Variants in CTNND2 observed in about 807,000 individuals in gnomAD.
The protein encoded by CTNND2 is catenin delta-2.
Under a neutral mutation model 144.4 loss-of-function variants are expected in CTNND2, and 22 were observed. The ratio of observed to expected loss-of-function variants is 0.15; its 90% CI spans 0.11 to 0.22. The LOEUF is 0.22. Ranked by LOEUF, CTNND2 falls within the 10% of genes least tolerant of loss-of-function variation. CTNND2 has a pLI of 1.00. For missense variants in CTNND2, 1,353 were observed against 1,618.8 expected (o/e 0.84, Z 2.82); for synonymous variants, 751 against 695.6 (o/e 1.08, Z -1.25).
intron 16 of CTNND2, among the ~76,000 whole-genome samples, chr5:11,071,731 C>T (rs766618437): frequency 6.6e-6 from 1 of 151,954 alleles, no homozygotes; most frequent in Non-Finnish European, 1.5e-5. Context: ...GGCAGGAACC[C>T]CCACAGAGTG....
chr5:11,255,105 C>T (rs1425396209), intron 9 of CTNND2, among the ~76,000 whole-genome samples: 2 of 152,148 alleles, frequency 1.3e-5, no homozygotes, highest in Non-Finnish European at 2.9e-5. Context: ...CTAAATATCC[C>T]TTGACTTGTT....
Position 11,083,185 on chromosome 5 carries a change from T to C in CTNND2, c.2638-339A>G, listed in dbSNP as rs891769412. On this transcript the variant is annotated intron_variant, in intron 15 of 21. Transcript: ENST00000304623. ...GTTTGGGACAAGCGGATGTGGCCAGTGGCATTAAAGAGAAATAAAACAAGA... is the reference window on the plus strand; with the variant it reads ...GTTTGGGACAAGCGGATGTGGCCAGCGGCATTAAAGAGAAATAAAACAAGA... 9.2e-5 allele frequency among the ~76,000 whole-genome samples: 14 copies of C among 152,146 alleles called. No individual in the cohort carries two copies. In the South Asian group the frequency reaches 1.2e-3, roughly 14 times the overall value.
intron 2 of CTNND2, among the ~76,000 whole-genome samples, chr5:11,660,285 T>A (rs1470679436): frequency 6.6e-6 from 1 of 152,160 alleles, no homozygotes; most frequent in African/African-American, 2.4e-5. Context: ...CATGAAGGTC[T>A]GCTATTTGAT....
intron 2 of CTNND2, among the ~76,000 whole-genome samples, chr5:11,702,929 C>T (rs1266805535): frequency 6.6e-6 from 1 of 152,206 alleles, no homozygotes; most frequent in Non-Finnish European, 1.5e-5. Flanking sequence ...AGTACCTGAT[C>T]ATGTCAACTC....
At chr5:11,299,540 C>T (rs550104257) in intron 9 of CTNND2, among the ~76,000 whole-genome samples, 34 of 152,274 alleles carry the variant, frequency 2.2e-4, no homozygotes, top group Middle Eastern at 6.8e-3. Flanking sequence ...CTCACAGGCC[C>T]TCTGAGGGTG....
chr5:11,258,189 G>T (rs1324226649), intron 9 of CTNND2, among the ~76,000 whole-genome samples: 1 of 152,126 alleles, frequency 6.6e-6, no homozygotes, highest in Non-Finnish European at 1.5e-5. Context: ...GCAAAGTCCT[G>T]CCCATCAGGG....
rs776951840 is a variant in CTNND2 at position 11,123,160 on chromosome 5, C to T, written c.2160-5593G>A. 1.4e-3 allele frequency among the ~76,000 whole-genome samples: 218 copies of T among 152,266 alleles called. 1 individual carries two copies. Among genetic ancestry groups the T allele is most frequent in the Non-Finnish European group, 2.2e-3 (151 of 68,012 alleles). On this transcript the variant is annotated intron_variant, in intron 12 of 21. Transcript: ENST00000304623. ...CTACTCCTTCCTTCATAGCTCCAGG[C>T]ACAAGCTTCTCTTAGAGCACCTGTA...
chr5:11,799,088 C>T (rs950556859), intron 1 of CTNND2, among the ~76,000 whole-genome samples: 1 of 152,060 alleles, frequency 6.6e-6, no homozygotes, highest in African/African-American at 2.4e-5. Context: ...GTAAGTTAAC[C>T]TCTATAAACC....
chr5:11,490,607 C>A (rs1030540214), intron 3 of CTNND2, among the ~76,000 whole-genome samples: 8 of 152,124 alleles, frequency 5.3e-5, no homozygotes, highest in Non-Finnish European at 1.2e-4. Context: ...AAAGAACATG[C>A]ACCTGTACAG....
At chr5:11,807,693 GTAC>G (rs893201803) in intron 1 of CTNND2, among the ~76,000 whole-genome samples, 1 of 152,130 alleles carries the variant, frequency 6.6e-6, no homozygotes, top group African/African-American at 2.4e-5. Flanking sequence ...AAAACACTGT[GTAC>G]TTCCTCTCAG....
intron 3 of CTNND2, among the ~76,000 whole-genome samples, chr5:11,531,328 T>TA (rs1773727395): frequency 6.6e-6 from 1 of 152,012 alleles, no homozygotes; most frequent in African/African-American, 2.4e-5. Flanking sequence ...CACAGTGAGC[T>TA]AAAAAAGACA....
intron 11 of CTNND2, among the ~76,000 whole-genome samples, chr5:11,176,286 T>C (rs188954501): frequency 6.6e-6 from 1 of 152,228 alleles, no homozygotes; most frequent in East Asian, 1.9e-4. Context: ...CAGGGGACAT[T>C]TATTTTTGCT....
chr5:10,986,766 C>T (rs1039072630), intron 20 of CTNND2: 10 of 436,804 alleles, frequency 2.3e-5, no homozygotes, highest in South Asian at 1.3e-4. Flanking sequence ...AAGAAACATC[C>T]GTTTATTATA....
chr5:11,616,221 T>C (rs996391973), intron 2 of CTNND2, among the ~76,000 whole-genome samples: 2 of 152,192 alleles, frequency 1.3e-5, no homozygotes, highest in African/African-American at 4.8e-5. Flanking sequence ...GCTACAAAAA[T>C]GATCACTTTT....
At chr5:11,317,368 C>T (rs1383728693) in intron 9 of CTNND2, among the ~76,000 whole-genome samples, 3 of 152,176 alleles carry the variant, frequency 2.0e-5, no homozygotes, top group African/African-American at 7.2e-5. Flanking sequence ...GCATAGTTAG[C>T]TGAACAAATA....
At chr5:11,658,445 T>C (rs1025404419) in intron 2 of CTNND2, among the ~76,000 whole-genome samples, 1 of 152,136 alleles carries the variant, frequency 6.6e-6, no homozygotes, top group African/African-American at 2.4e-5. Flanking sequence ...TCTGAATCTA[T>C]CTGTTGTTCT....
At chr5:11,193,305 C>T (rs1003942879) in intron 11 of CTNND2, among the ~76,000 whole-genome samples, 7 of 152,164 alleles carry the variant, frequency 4.6e-5, no homozygotes, top group Non-Finnish European at 1.0e-4. Flanking sequence ...CGGACTTCAA[C>T]ATGAAAGTGG....
intron 9 of CTNND2, among the ~76,000 whole-genome samples, chr5:11,265,164 T>A (rs2149964081): frequency 6.6e-6 from 1 of 152,234 alleles, no homozygotes; most frequent in East Asian, 1.9e-4. Context: ...AAAACTGCCA[T>A]AAATGTTCTA....
chr5:11,685,777 A>C (rs926515388), intron 2 of CTNND2, among the ~76,000 whole-genome samples: 1 of 152,236 alleles, frequency 6.6e-6, no homozygotes, highest in African/African-American at 2.4e-5. Flanking sequence ...ATTCCCTCAC[A>C]GTAAACCTAT....
Sources: gnomAD v4.1 joint callset for allele counts (sites outside exome capture counted in the v4.1 genomes callset) on GRCh38, gnomAD v4.1.1 for gene constraint, MANE v1.5 for transcripts, NCBI Gene and HGNC (gene_info 2026-07-23, HGNC 2026-07-21) for gene names.